The following RORA variants were observed in gnomAD, a reference collection of about 807,000 sequenced individuals.
The protein encoded by RORA is RAR related orphan receptor A.
Under a neutral mutation model 69.5 loss-of-function variants are expected in RORA, and 7 were observed. The observed-to-expected ratio is 0.10, with a 90% CI of 0.06 to 0.19. The LOEUF (loss-of-function observed/expected upper bound fraction) is 0.19, where lower values mean the gene tolerates loss of function less well. Ranked by LOEUF, RORA falls within the 10% of genes least tolerant of loss-of-function variation. The probability of loss-of-function intolerance (pLI) is 1.00; values close to 1 mark genes in which losing one functional copy is unlikely to be tolerated. For missense variants in RORA, 457 were observed against 663.0 expected (o/e 0.69, Z 3.41); for synonymous variants, 261 against 240.8 (o/e 1.08, Z -0.78).
intron 1 of RORA, among the ~76,000 whole-genome samples, chr15:60,838,061 G>A (rs1330946495): frequency 6.6e-6 from 1 of 152,106 alleles, no homozygotes; most frequent in Non-Finnish European, 1.5e-5. Context: ...TCAAGGCTTG[G>A]CTTCCAAGTC....
intron 1 of RORA, among the ~76,000 whole-genome samples, chr15:60,780,878 C>G (rs1410520843): frequency 6.6e-6 from 1 of 152,176 alleles, no homozygotes; most frequent in African/African-American, 2.4e-5. Context: ...AAAAAGCACT[C>G]TGATAAAAGC....
chr15:60,558,228 G>A, intron 2 of RORA: 1 of 1,608,658 alleles, frequency 6.2e-7, no homozygotes. Context: ...CACTTACACA[G>A]ACGCCAGTAA....
In RORA at chr15:60,791,074, G is replaced by C. The variant is rs144865845; in HGVS notation, c.167-112388C>G. ...GGAAGAAAATGCAATAGATGCTTTG[G>C]TATCAAAAAGTCTGGCTCTTTTAGA... On this transcript the variant is annotated intron_variant, in intron 1 of 10. Coordinates refer to ENST00000335670, the MANE Select transcript of RORA (RefSeq NM_134261.3). 2.5e-3 allele frequency among the ~76,000 whole-genome samples: 384 copies of C among 152,136 alleles called. 3 individuals are homozygous for C. The highest frequency in any genetic ancestry group is 9.0e-3 in the African/African-American group (375 of 41,510).
intron 1 of RORA, among the ~76,000 whole-genome samples, chr15:61,179,266 T>C (rs2079660028): frequency 6.6e-6 from 1 of 152,234 alleles, no homozygotes; most frequent in Non-Finnish European, 1.5e-5. Flanking sequence ...ATTTTCATAA[T>C]ACTTTGACAA....
intron 1 of RORA, among the ~76,000 whole-genome samples, chr15:61,142,882 T>A (rs576509786): frequency 6.6e-6 from 1 of 152,122 alleles, no homozygotes; most frequent in South Asian, 2.1e-4. Context: ...GAGATATAGA[T>A]ACACATGCAT....
chr15:61,074,180 T>A (rs1163190854), intron 1 of RORA, among the ~76,000 whole-genome samples: 1 of 152,168 alleles, frequency 6.6e-6, no homozygotes, highest in African/African-American at 2.4e-5. Context: ...CACTTCCCCT[T>A]GTGAACGCTT....
chr15:60,759,494 C>T (rs1393097974), intron 1 of RORA, among the ~76,000 whole-genome samples: 1 of 152,082 alleles, frequency 6.6e-6, no homozygotes, highest in Non-Finnish European at 1.5e-5. Context: ...ACCACAATTC[C>T]CACAAGAGAA....
chr15:60,551,895 C>G (rs1040697211), intron 2 of RORA, among the ~76,000 whole-genome samples: 1 of 152,228 alleles, frequency 6.6e-6, no homozygotes, highest in Admixed American at 6.5e-5. Flanking sequence ...GGGTTTATCC[C>G]AACCTCCTCA....
At chr15:60,661,252 C>T (rs2140717847) in intron 2 of RORA, among the ~76,000 whole-genome samples, 1 of 152,246 alleles carries the variant, frequency 6.6e-6, no homozygotes, top group South Asian at 2.1e-4. Context: ...ACAAGGCATG[C>T]AATCGGATGT....
rs75052408 is a variant in RORA, at chr15:60,617,745, T to C, written c.196+60912A>G. ...CTGTGAGCTTCTTCTCAGCCTGGTCTTCATTAAGAACTTCAAACCTGGCGA... is the reference window on the plus strand; with the variant it reads ...CTGTGAGCTTCTTCTCAGCCTGGTCCTCATTAAGAACTTCAAACCTGGCGA... On this transcript the variant is annotated intron_variant, in intron 2 of 10. Coordinates refer to ENST00000335670, the MANE Select transcript of RORA (RefSeq NM_134261.3). 8.2e-3 allele frequency among the ~76,000 whole-genome samples: 1,246 copies of C among 152,118 alleles called. 15 individuals carry two copies. Among genetic ancestry groups the C allele is most frequent in the African/African-American group, 0.028 (1,173 of 41,474 alleles).
chr15:61,048,681 T>C (rs950489017), intron 1 of RORA, among the ~76,000 whole-genome samples: 3 of 152,156 alleles, frequency 2.0e-5, no homozygotes, highest in African/African-American at 7.2e-5. Context: ...CACTTTGACG[T>C]CGAGTCCAAC....
chr15:60,557,492 C>T (rs2067402541), intron 2 of RORA, among the ~76,000 whole-genome samples: 2 of 152,188 alleles, frequency 1.3e-5, no homozygotes, highest in Non-Finnish European at 2.9e-5. Flanking sequence ...TAATGAGATA[C>T]AAGCTCGGCC....
At chr15:61,179,965 G>A (rs1171122501) in intron 1 of RORA, among the ~76,000 whole-genome samples, 1 of 147,660 alleles carries the variant, frequency 6.8e-6, no homozygotes, top group African/African-American at 2.5e-5. Flanking sequence ...AGTGAAACCC[G>A]TTTCTACTAA....
chr15:61,169,777 A>G (rs1404113416), intron 1 of RORA, among the ~76,000 whole-genome samples: 1 of 53,758 alleles, frequency 1.9e-5, no homozygotes, highest in East Asian at 5.2e-4. Context: ...ACGGCCTCAG[A>G]AAAAAAAGAA....
chr15:60,829,361 G>A (rs1029194131), intron 1 of RORA, among the ~76,000 whole-genome samples: 1 of 152,188 alleles, frequency 6.6e-6, no homozygotes, highest in African/African-American at 2.4e-5. Flanking sequence ...GTGAGCAGGG[G>A]GCAGTGAGGG....
intron 1 of RORA, among the ~76,000 whole-genome samples, chr15:60,944,921 G>A (rs998807630): frequency 6.6e-6 from 1 of 152,162 alleles, no homozygotes; most frequent in Non-Finnish European, 1.5e-5. Flanking sequence ...AGCACCAGGT[G>A]GAGCATGCAG....
At chr15:60,690,812 G>A (rs940815832) in intron 1 of RORA, among the ~76,000 whole-genome samples, 1 of 152,282 alleles carries the variant, frequency 6.6e-6, no homozygotes, top group African/African-American at 2.4e-5. Flanking sequence ...TGGGCTCTGA[G>A]GCCTGGACGC....
At chr15:61,151,334 C>T (rs17270871) in intron 1 of RORA, among the ~76,000 whole-genome samples, 14 of 151,970 alleles carry the variant, frequency 9.2e-5, no homozygotes, top group Admixed American at 3.3e-4. Context: ...AGACATTAAG[C>T]GCAATGTTGT....
intron 1 of RORA, among the ~76,000 whole-genome samples, chr15:60,814,745 C>A (rs1024621127): frequency 2.6e-5 from 4 of 152,192 alleles, no homozygotes; most frequent in Non-Finnish European, 5.9e-5. Flanking sequence ...TCAACCAGTG[C>A]TGTGATTTTC....
Sources: gnomAD v4.1 joint callset for allele counts (sites outside exome capture counted in the v4.1 genomes callset) on GRCh38, gnomAD v4.1.1 for gene constraint, MANE v1.5 for transcripts, NCBI Gene and HGNC (gene_info 2026-07-23, HGNC 2026-07-21) for gene names.